The following KCNMB2 variants were observed in gnomAD, a reference collection of about 807,000 sequenced individuals.
KCNMB2 encodes calcium-activated potassium channel subunit beta-2.
Under a neutral mutation model 24.5 loss-of-function variants are expected in KCNMB2, and 9 were observed. The ratio of observed to expected loss-of-function variants is 0.37; its 90% CI spans 0.22 to 0.64. KCNMB2 has a LOEUF of 0.64. KCNMB2 is among the 30% of genes least tolerant of loss of function. The pLI, the probability that KCNMB2 is intolerant of heterozygous loss-of-function variation, is 0.63. For synonymous variants in KCNMB2, 109 were observed against 104.4 expected (o/e 1.04, Z -0.27); for missense variants, 226 against 284.3 (o/e 0.79, Z 1.47).
intron 2 of KCNMB2, among the ~76,000 whole-genome samples, chr3:178,816,034 G>A (rs1209594660): frequency 6.6e-6 from 1 of 151,728 alleles, no homozygotes; most frequent in Admixed American, 6.6e-5. Context: ...TCATTAATAG[G>A]TTGGGTAGCA....
At chr3:178,702,723 A>T (rs1722144935) in intron 1 of KCNMB2, among the ~76,000 whole-genome samples, 1 of 152,216 alleles carries the variant, frequency 6.6e-6, no homozygotes, top group South Asian at 2.1e-4. Context: ...ACAGTTAATC[A>T]AGGGATATGA....
At chr3:178,598,879 C>T (rs77634972) in intron 1 of KCNMB2, among the ~76,000 whole-genome samples, 3 of 152,108 alleles carry the variant, frequency 2.0e-5, no homozygotes, top group Non-Finnish European at 1.5e-5. Context: ...CACTACACTT[C>T]GGGAGTTTTT....
chr3:178,724,966 A>G (rs755810933), intron 1 of KCNMB2, among the ~76,000 whole-genome samples: 1 of 151,228 alleles, frequency 6.6e-6, no homozygotes, highest in Non-Finnish European at 1.5e-5. Flanking sequence ...TTATTTTTTC[A>G]TTTTTGCTCA....
At chr3:178,822,419 C>T (rs772110800) in intron 2 of KCNMB2, among the ~76,000 whole-genome samples, 5 of 152,188 alleles carry the variant, frequency 3.3e-5, no homozygotes, top group Non-Finnish European at 7.3e-5. Flanking sequence ...GTGAATTGCT[C>T]CATCATTAAG....
intron 1 of KCNMB2, among the ~76,000 whole-genome samples, chr3:178,686,365 TTTCTTTAAAAGTGATC>T (rs1429355067): frequency 6.6e-6 from 1 of 152,178 alleles, no homozygotes; most frequent in Non-Finnish European, 1.5e-5. Flanking sequence ...ATGATTTAAT[TTTCTTTAAAAGTGATC>T]TATTGGTAAT....
intron 1 of KCNMB2, among the ~76,000 whole-genome samples, chr3:178,758,345 G>GATAT (rs1214797017): frequency 6.9e-4 from 6 of 8,674 alleles, no homozygotes; most frequent in African/African-American, 3.9e-3. Flanking sequence ...TCCAAGAGGG[G>GATAT]ATATATATAT....
chr3:178,618,760 C>T (rs1178445859), intron 1 of KCNMB2, among the ~76,000 whole-genome samples: 1 of 152,028 alleles, frequency 6.6e-6, no homozygotes, highest in Non-Finnish European at 1.5e-5. Flanking sequence ...TGAATTTAGC[C>T]TCAGATAGAG....
At chr3:178,555,806 C>T (rs907754272) in intron 1 of KCNMB2, among the ~76,000 whole-genome samples, 9 of 152,134 alleles carry the variant, frequency 5.9e-5, no homozygotes, top group African/African-American at 2.2e-4. Context: ...ACATATGGTG[C>T]TATATTAGAA....
At chr3:178,717,655 ATTCC>A (rs1378447372) in intron 1 of KCNMB2, among the ~76,000 whole-genome samples, 1 of 152,204 alleles carries the variant, frequency 6.6e-6, no homozygotes, top group Non-Finnish European at 1.5e-5. Context: ...AGATACAATA[ATTCC>A]TTATGTAGCC....
At chr3:178,812,087 T>C (rs1467302412) in intron 2 of KCNMB2, among the ~76,000 whole-genome samples, 1 of 152,174 alleles carries the variant, frequency 6.6e-6, no homozygotes, top group African/African-American at 2.4e-5. Context: ...TACTGGATTG[T>C]TTGTCTTTTA....
rs1445767931 is a variant in KCNMB2, at chr3:178,757,858, GATAC to G, written c.-67-49481_-67-49478del. 1.5e-3 allele frequency among the ~76,000 whole-genome samples: 28 copies of G among 18,394 alleles called. 4 individuals carry two copies. Among genetic ancestry groups the G allele is most frequent in the South Asian group, 0.011 (6 of 534 alleles). The allele number at this position is 18,394 out of a possible 152,430, so 12.1% of individuals were successfully genotyped here. A position where few individuals can be genotyped will look rare whatever the true frequency, so the allele number is the denominator to read the frequency against. On this transcript the variant is annotated intron_variant, in intron 1 of 4. Transcript: ENST00000452583. ...CCAAGAGGATATATATATCCAAGAG[GATAC>G]ATATATATATCCAAGAGGATACATA...
intron 1 of KCNMB2, among the ~76,000 whole-genome samples, chr3:178,609,986 T>C (rs1718424513): frequency 6.6e-6 from 1 of 152,180 alleles, no homozygotes; most frequent in African/African-American, 2.4e-5. Flanking sequence ...GTTTCAATCT[T>C]CTGCATGTGA....
rs1403482371 is a variant in KCNMB2 at position 178,760,220 on chromosome 3, C to CTA, written c.-67-47116_-67-47115dup. On this transcript the variant is annotated intron_variant, in intron 1 of 4. Transcript: ENST00000452583. ...TATATATATATCCAAGAGGATATAT[C>CTA]TATATATAGATATATCCAAGAGGAT... 4.3e-4 allele frequency among the ~76,000 whole-genome samples: 6 copies of CTA among 13,976 alleles called. 1 individual carries two copies. Among genetic ancestry groups the CTA allele is most frequent in the African/African-American group, 1.7e-3 (6 of 3,434 alleles). 9.2% of individuals were successfully genotyped at this position (13,976 alleles called of 152,430 possible).
intron 3 of KCNMB2, among the ~76,000 whole-genome samples, chr3:178,826,580 A>T (rs1714842347): frequency 6.6e-6 from 1 of 152,172 alleles, no homozygotes; most frequent in Non-Finnish European, 1.5e-5. Flanking sequence ...TAAATTGGAC[A>T]CTCTAAACAC....
chr3:178,806,226 T>A (rs1271729536), intron 1 of KCNMB2, among the ~76,000 whole-genome samples: 1 of 152,216 alleles, frequency 6.6e-6, no homozygotes, highest in Non-Finnish European at 1.5e-5. Context: ...CTTCTAAATG[T>A]AAGCAAAAAT....
chr3:178,757,232 G>A lies in KCNMB2; in HGVS notation c.-67-50111G>A, dbSNP rs527877483. ...TCAAAAATTACCAGTGAAAATTGTGGTACACACATACACACATATATATAT... is the reference window on the plus strand; with the variant it reads ...TCAAAAATTACCAGTGAAAATTGTGATACACACATACACACATATATATAT... On this transcript the variant is annotated intron_variant, in intron 1 of 4. Transcript: ENST00000452583. 2.1e-5 allele frequency: 3 copies of A among 143,566 alleles called. No homozygotes were observed. The South Asian group carries it at 6.5e-4, about 31-fold the overall frequency. 8.9% of individuals were successfully genotyped at this position (143,566 alleles called of 1,614,324 possible).
At chr3:178,791,804 C>T (rs1406080347) in intron 1 of KCNMB2, among the ~76,000 whole-genome samples, 2 of 150,140 alleles carry the variant, frequency 1.3e-5, no homozygotes, top group Non-Finnish European at 3.0e-5. Flanking sequence ...CAGTGGAAAC[C>T]TTTCAGGCCA....
At chr3:178,718,558 A>C (rs1167436909) in intron 1 of KCNMB2, among the ~76,000 whole-genome samples, 1 of 152,228 alleles carries the variant, frequency 6.6e-6, no homozygotes, top group Non-Finnish European at 1.5e-5. Flanking sequence ...AGTGTTACCC[A>C]AGACAAGTCA....
intron 1 of KCNMB2, among the ~76,000 whole-genome samples, chr3:178,749,534 AGAGAAAAT>A (rs981630120): frequency 6.6e-6 from 1 of 152,242 alleles, no homozygotes; most frequent in Admixed American, 6.5e-5. Flanking sequence ...CATAGTTGAG[AGAGAAAAT>A]TTAATCTAGA....
Sources: allele counts gnomAD v4.1 joint callset (sites outside exome capture counted in the v4.1 genomes callset), GRCh38; gene constraint gnomAD v4.1.1; transcripts MANE v1.5; gene names NCBI Gene and HGNC (gene_info 2026-07-23, HGNC 2026-07-21).